Variants in DLG2 observed in about 807,000 individuals in gnomAD.
The protein encoded by DLG2 is disks large homolog 2.
In DLG2, 45 loss-of-function variants were observed where a neutral mutation model predicts 132.5. The observed-to-expected ratio is 0.34, with a 90% CI of 0.27 to 0.44. DLG2 has a LOEUF of 0.44. Ranked by LOEUF, DLG2 falls within the 20% of genes least tolerant of loss-of-function variation. The probability of loss-of-function intolerance (pLI) is 1.00; values close to 1 mark genes in which losing one functional copy is unlikely to be tolerated. For synonymous variants in DLG2, 424 were observed against 419.6 expected (o/e 1.01, Z -0.13); for missense variants, 1,045 against 1,196.9 (o/e 0.87, Z 1.87).
chr11:83,543,125 T>C (rs952976431), intron 19 of DLG2, among the ~76,000 whole-genome samples: 1 of 152,144 alleles, frequency 6.6e-6, no homozygotes, highest in African/African-American at 2.4e-5. Context: ...AATTGCAACG[T>C]AGTCCCTTCT....
chr11:85,485,017 C>T lies in DLG2; in HGVS notation c.40+113640G>A, dbSNP rs563129896. On this transcript the variant is annotated intron_variant, in intron 3 of 27. Coordinates refer to ENST00000376104, the MANE Select transcript of DLG2 (RefSeq NM_001142699.3). ...CACACATACACCATGGAATACTATG[C>T]AGCCATAAAAAATGATGAGTTCATG... Among the ~76,000 whole-genome samples, 18 of 152,318 alleles carry T rather than the reference C, an allele frequency of 1.2e-4. No homozygotes were observed. In the South Asian group the frequency reaches 2.5e-3, roughly 21 times the overall value.
chr11:83,994,979 ATTTT>A (rs67876577), intron 11 of DLG2, among the ~76,000 whole-genome samples: 1 of 136,286 alleles, frequency 7.3e-6, no homozygotes, highest in Non-Finnish European at 1.6e-5. Context: ...TTCTGTGTCC[ATTTT>A]TTTTTTTTTT....
intron 16 of DLG2, among the ~76,000 whole-genome samples, chr11:83,849,388 G>A (rs931770928): frequency 6.6e-6 from 1 of 150,716 alleles, no homozygotes; most frequent in Admixed American, 6.6e-5. Flanking sequence ...AATGTTTATC[G>A]AGCATAAACA....
intron 5 of DLG2, among the ~76,000 whole-genome samples, chr11:85,131,547 T>A (rs2075710751): frequency 6.6e-6 from 1 of 152,176 alleles, no homozygotes; most frequent in East Asian, 1.9e-4. Context: ...TTAACTGGAA[T>A]ACTGCATGAG....
chr11:84,113,424 T>C (rs2093465588), intron 9 of DLG2, among the ~76,000 whole-genome samples: 2 of 152,144 alleles, frequency 1.3e-5, no homozygotes, highest in Admixed American at 1.3e-4. Flanking sequence ...GGTTATTCAG[T>C]TTCGGGTATT....
intron 7 of DLG2, among the ~76,000 whole-genome samples, chr11:84,270,920 G>A (rs1166102677): frequency 6.6e-6 from 1 of 152,154 alleles, no homozygotes; most frequent in Non-Finnish European, 1.5e-5. Context: ...CAGCATGATA[G>A]GATATGTATA....
chr11:83,844,543 G>C (rs2058246712), intron 16 of DLG2, among the ~76,000 whole-genome samples: 1 of 31,988 alleles, frequency 3.1e-5, no homozygotes, highest in African/African-American at 9.6e-5. Context: ...GTGAGAGTCT[G>C]TATCAAAAAA....
intron 8 of DLG2, among the ~76,000 whole-genome samples, chr11:84,191,718 T>C (rs1008679155): frequency 3.3e-5 from 5 of 152,214 alleles, no homozygotes; most frequent in African/African-American, 1.2e-4. Context: ...CTGAAATAGA[T>C]GGCAATTAAC....
intron 6 of DLG2, among the ~76,000 whole-genome samples, chr11:85,087,096 T>C (rs1050139080): frequency 3.9e-5 from 6 of 152,230 alleles, no homozygotes; most frequent in African/African-American, 1.4e-4. Flanking sequence ...TAAACAAATA[T>C]TTAATGAACT....
At chr11:84,581,194 T>C (rs1356379178) in intron 6 of DLG2, among the ~76,000 whole-genome samples, 2 of 152,218 alleles carry the variant, frequency 1.3e-5, no homozygotes, top group African/African-American at 2.4e-5. Flanking sequence ...GTAGTCTTTT[T>C]TCAGTTAGGA....
At chr11:83,968,332 T>G (rs532359910) in intron 12 of DLG2, among the ~76,000 whole-genome samples, 1 of 152,316 alleles carries the variant, frequency 6.6e-6, no homozygotes, top group East Asian at 1.9e-4. Flanking sequence ...TGTGTTTGAA[T>G]GCTGGCTGTG....
At chr11:85,358,963 C>T (rs545942843) in intron 3 of DLG2, among the ~76,000 whole-genome samples, 11 of 152,166 alleles carry the variant, frequency 7.2e-5, no homozygotes, top group African/African-American at 2.4e-4. Context: ...CACTACTCTG[C>T]GCTTTATCTA....
At chr11:84,028,524 C>A (rs1213033431) in intron 11 of DLG2, among the ~76,000 whole-genome samples, 1 of 152,012 alleles carries the variant, frequency 6.6e-6, no homozygotes, top group African/African-American at 2.4e-5. Context: ...TTTTTCACAA[C>A]CTTCAGAGAA....
intron 8 of DLG2, among the ~76,000 whole-genome samples, chr11:84,181,864 G>C (rs536353858): frequency 2.6e-5 from 4 of 152,246 alleles, no homozygotes; most frequent in African/African-American, 9.6e-5. Context: ...GAACAACAGA[G>C]TGCCAAAATA....
At chr11:85,012,572 T>G (rs2059231183) in intron 6 of DLG2, among the ~76,000 whole-genome samples, 1 of 151,982 alleles carries the variant, frequency 6.6e-6, no homozygotes, top group Non-Finnish European at 1.5e-5. Flanking sequence ...ACAAATATAA[T>G]TATTATGCTA....
intron 11 of DLG2, among the ~76,000 whole-genome samples, chr11:84,054,682 A>G (rs1050861539): frequency 3.9e-5 from 6 of 152,092 alleles, no homozygotes; most frequent in Non-Finnish European, 7.4e-5. Flanking sequence ...AATCACATAC[A>G]TCAAAGGTTA....
At chr11:85,397,824 T>C (rs1356408834) in intron 3 of DLG2, among the ~76,000 whole-genome samples, 2 of 152,052 alleles carry the variant, frequency 1.3e-5, no homozygotes, top group Non-Finnish European at 2.9e-5. Flanking sequence ...CAAACAATAA[T>C]AATGGGTGAC....
rs573071430 is a variant in DLG2, at chr11:83,753,363, C to T, written c.1825+33327G>A. Reference sequence around the variant, plus strand: ...CCTTGAACCTGGGAGGCAGAGGTTGCAGTGAGCCAAGATTGTGCCACTGCA... The same window carrying T: ...CCTTGAACCTGGGAGGCAGAGGTTGTAGTGAGCCAAGATTGTGCCACTGCA... On this transcript the variant is annotated intron_variant, in intron 18 of 27. Coordinates refer to ENST00000376104, the MANE Select transcript of DLG2 (RefSeq NM_001142699.3). Among the ~76,000 whole-genome samples, 3 of 152,212 alleles carry T rather than the reference C, an allele frequency of 2.0e-5. No homozygotes were observed. In the South Asian group the frequency reaches 6.2e-4, roughly 32 times the overall value.
chr11:83,953,007 T>C (rs1210809841), intron 14 of DLG2, among the ~76,000 whole-genome samples: 1 of 152,070 alleles, frequency 6.6e-6, no homozygotes, highest in South Asian at 2.1e-4. Context: ...TGGAGACATA[T>C]ATAAAGCAGT....
Sources: allele counts gnomAD v4.1 joint callset (sites outside exome capture counted in the v4.1 genomes callset), GRCh38; gene constraint gnomAD v4.1.1; transcripts MANE v1.5; gene names NCBI Gene and HGNC (gene_info 2026-07-23, HGNC 2026-07-21).